Variants in CMTM8 observed in about 807,000 individuals in gnomAD.
CMTM8 encodes the protein CKLF like MARVEL transmembrane domain containing 8.
A neutral mutation model predicts 18.6 loss-of-function variants in CMTM8; 12 were observed. That is an observed-to-expected ratio of 0.65 (90% CI 0.41 to 1.05). The LOEUF (loss-of-function observed/expected upper bound fraction) is 1.05, where lower values mean the gene tolerates loss of function less well. Among genes scored for constraint, CMTM8 ranks in the 50% least tolerant of loss-of-function variants. The pLI is 0.00. For missense variants in CMTM8, 217 were observed against 227.2 expected (o/e 0.95, Z 0.29); for synonymous variants, 87 against 90.6 (o/e 0.96, Z 0.23).
At chr3:32,326,980 C>T (rs1475984823) in intron 1 of CMTM8, among the ~76,000 whole-genome samples, 2 of 152,140 alleles carry the variant, frequency 1.3e-5, no homozygotes, top group African/African-American at 4.8e-5. Context: ...ATTTATCTCC[C>T]TGGCCACACT....
chr3:32,318,237 A>G (rs1368616956), intron 1 of CMTM8, among the ~76,000 whole-genome samples: 2 of 150,888 alleles, frequency 1.3e-5, no homozygotes, highest in Admixed American at 1.3e-4. Context: ...AGGAAAAGCC[A>G]TGGCAAGGAA....
intron 1 of CMTM8, among the ~76,000 whole-genome samples, chr3:32,266,106 A>G (rs2125540595): frequency 6.6e-6 from 1 of 152,336 alleles, no homozygotes; most frequent in African/African-American, 2.4e-5. Flanking sequence ...TCATTTTATG[A>G]GGCCAGCATC....
intron 1 of CMTM8, among the ~76,000 whole-genome samples, chr3:32,280,141 G>A (rs867298859): frequency 1.4e-4 from 21 of 152,240 alleles, no homozygotes; most frequent in Admixed American, 3.9e-4. Context: ...CCTAGCTCAG[G>A]TCACATGGCC....
intron 1 of CMTM8, among the ~76,000 whole-genome samples, chr3:32,247,486 CT>C (rs913899418): frequency 2.0e-5 from 3 of 151,094 alleles, no homozygotes; most frequent in African/African-American, 4.9e-5. Context: ...CTAATTTTTT[CT>C]TTTTTTTTCT....
At chr3:32,332,512 G>A (rs1380615308) in intron 1 of CMTM8, among the ~76,000 whole-genome samples, 1 of 152,156 alleles carries the variant, frequency 6.6e-6, no homozygotes, top group African/African-American at 2.4e-5. Flanking sequence ...AGGAGGCGAT[G>A]GGAAAGGAGA....
intron 1 of CMTM8, among the ~76,000 whole-genome samples, chr3:32,354,147 TA>T (rs1304356047): frequency 1.8e-4 from 26 of 140,646 alleles, no homozygotes; most frequent in East Asian, 2.1e-4. Flanking sequence ...GTTTTGCCAT[TA>T]AAAAAAAAAG....
At chr3:32,362,783 G>A (rs1696962123) in intron 2 of CMTM8, among the ~76,000 whole-genome samples, 1 of 152,136 alleles carries the variant, frequency 6.6e-6, no homozygotes, top group Non-Finnish European at 1.5e-5. Flanking sequence ...TATTGGCAGG[G>A]GCTGAGAGTC....
At chr3:32,273,128 A>AGTGTGTGTGTGTGTGT (rs1559366913) in intron 1 of CMTM8, among the ~76,000 whole-genome samples, 2 of 64,806 alleles carry the variant, frequency 3.1e-5, no homozygotes, top group Non-Finnish European at 6.9e-5. Context: ...AATTGGAACA[A>AGTGTGTGTGTGTGTGT]ATGTGTGTGT....
chr3:32,360,467 A>C (rs529336327), intron 2 of CMTM8, among the ~76,000 whole-genome samples: 3 of 152,360 alleles, frequency 2.0e-5, no homozygotes. Context: ...AGCATTTGTG[A>C]GTTGGGTACA....
chr3:32,259,884 T>G (rs1009326508), intron 1 of CMTM8: 2 of 927,154 alleles, frequency 2.2e-6, no homozygotes, highest in African/African-American at 1.6e-5. Context: ...ATGAGAAATG[T>G]GAAGGCCAGC....
intron 1 of CMTM8, among the ~76,000 whole-genome samples, chr3:32,298,845 G>A (rs895476683): frequency 1.5e-5 from 2 of 132,140 alleles, no homozygotes; most frequent in Admixed American, 7.7e-5. Flanking sequence ...ATATGTGTGT[G>A]TGTATATACA....
At chr3:32,333,393 C>T (rs779152091) in intron 1 of CMTM8, among the ~76,000 whole-genome samples, 2 of 152,176 alleles carry the variant, frequency 1.3e-5, no homozygotes, top group Non-Finnish European at 2.9e-5. Context: ...ACGGGCATCA[C>T]CAGAAAGCTT....
At chr3:32,272,753 T>G (rs1264957275) in intron 1 of CMTM8, among the ~76,000 whole-genome samples, 3 of 152,180 alleles carry the variant, frequency 2.0e-5, no homozygotes, top group Non-Finnish European at 2.9e-5. Flanking sequence ...TTGCCAAGAT[T>G]GAGATACTCA....
At chr3:32,267,414 C>T (rs187256716) in intron 1 of CMTM8, among the ~76,000 whole-genome samples, 33 of 152,270 alleles carry the variant, frequency 2.2e-4, no homozygotes, top group South Asian at 2.1e-4. Context: ...AAAGCTGAAA[C>T]GGGACCCCTT....
chr3:32,324,877 A>G (rs1429849977), intron 1 of CMTM8, among the ~76,000 whole-genome samples: 1 of 152,254 alleles, frequency 6.6e-6, no homozygotes, highest in African/African-American at 2.4e-5. Flanking sequence ...AAAAAGAGGC[A>G]ATCGTGGAAA....
chr3:32,349,252 G>GCAT, intron 1 of CMTM8, among the ~76,000 whole-genome samples: 1 of 152,200 alleles, frequency 6.6e-6, no homozygotes, highest in South Asian at 2.1e-4. Context: ...CATGTGGATG[G>GCAT]GGCTTATGAA....
At chr3:32,329,077 A>G (rs1300425525) in intron 1 of CMTM8, among the ~76,000 whole-genome samples, 1 of 152,056 alleles carries the variant, frequency 6.6e-6, no homozygotes, top group Non-Finnish European at 1.5e-5. Flanking sequence ...TTCAAAAAAA[A>G]ATTTTTTTTT....
intron 1 of CMTM8, among the ~76,000 whole-genome samples, chr3:32,285,159 ATAG>A (rs1702659569): frequency 6.6e-6 from 1 of 152,188 alleles, no homozygotes; most frequent in Non-Finnish European, 1.5e-5. Context: ...ATTATGTAAT[ATAG>A]TAGTAAAAAG....
intron 1 of CMTM8, among the ~76,000 whole-genome samples, chr3:32,266,904 G>A (rs1332840089): frequency 1.3e-5 from 2 of 152,148 alleles, no homozygotes; most frequent in African/African-American, 2.4e-5. Context: ...GGATGTGGAG[G>A]ACCTCTTCAA....
Sources: allele counts gnomAD v4.1 joint callset (sites outside exome capture counted in the v4.1 genomes callset), GRCh38; gene constraint gnomAD v4.1.1; transcripts MANE v1.5; gene names NCBI Gene and HGNC (gene_info 2026-07-23, HGNC 2026-07-21).